STAC: variants seen among roughly 807,000 people sequenced by gnomAD.
STAC encodes the protein SH3 and cysteine-rich domain-containing protein.
Under a neutral mutation model 48.8 loss-of-function variants are expected in STAC, and 43 were observed. That is an observed-to-expected ratio of 0.88 (90% CI 0.69 to 1.14). The LOEUF (loss-of-function observed/expected upper bound fraction) is 1.14, where lower values mean the gene tolerates loss of function less well. STAC is among the 50% of genes most tolerant of loss of function. The pLI is 0.00. For missense variants in STAC, 497 were observed against 504.0 expected (o/e 0.99, Z 0.13); for synonymous variants, 193 against 179.5 (o/e 1.07, Z -0.60).
chr3:36,391,201 T>C (rs955496212), intron 1 of STAC, among the ~76,000 whole-genome samples: 1 of 152,314 alleles, frequency 6.6e-6, no homozygotes. Context: ...GATCCCTTGC[T>C]CCCTCTTTCA....
intron 8 of STAC, 51 bp from the exon 9 acceptor site, chr3:36,528,645 G>A: frequency 7.0e-7 from 1 of 1,435,430 alleles, no homozygotes; most frequent in Non-Finnish European, 9.5e-7. Flanking sequence ...TTTAAAGTAT[G>A]TTATTTTTCT....
chr3:36,383,707 A>C (rs1012500356), intron 1 of STAC, among the ~76,000 whole-genome samples: 1 of 152,234 alleles, frequency 6.6e-6, no homozygotes, highest in Non-Finnish European at 1.5e-5. Flanking sequence ...CCAGCATTCA[A>C]AGTTGTCCAT....
intron 2 of STAC, among the ~76,000 whole-genome samples, chr3:36,478,994 G>A (rs1158053835): frequency 6.6e-6 from 1 of 152,142 alleles, no homozygotes; most frequent in Non-Finnish European, 1.5e-5. Context: ...ACGCTCCAGT[G>A]TACAGGTACT....
At chr3:36,476,808 T>G (rs913746453) in intron 2 of STAC, among the ~76,000 whole-genome samples, 1 of 152,190 alleles carries the variant, frequency 6.6e-6, no homozygotes. Context: ...TATCCATTGC[T>G]TTTGCTCTCC....
intron 2 of STAC, among the ~76,000 whole-genome samples, chr3:36,445,594 T>C (rs904368439): frequency 1.3e-5 from 2 of 152,186 alleles, no homozygotes; most frequent in African/African-American, 4.8e-5. Flanking sequence ...AATTATCTGA[T>C]AATGGAGCAC....
intron 10 of STAC, among the ~76,000 whole-genome samples, chr3:36,539,148 G>A (rs146222729): frequency 2.2e-4 from 33 of 151,986 alleles, no homozygotes; most frequent in East Asian, 1.2e-3. Flanking sequence ...TTTATTTCCC[G>A]GTAGACTTTT....
Position 36,528,870 on chromosome 3 carries a change from GCTT to G in STAC, c.999_1001del (p.Phe334del), listed in dbSNP as rs1398573589. The G allele has an allele frequency of 1.2e-6, 2 of 1,613,380 alleles. No homozygotes were observed. The highest frequency in any genetic ancestry group is 2.2e-5 in the South Asian group (2 of 91,012). On this transcript the variant is annotated inframe_deletion, in exon 10 of 11. Transcript: ENST00000273183. Reference sequence around the variant, plus strand: ...CAGGGGAAAATTCAAGACAGAATTGGCTTCTTTCCAGCCAACTTTGTTCAGAGA... The same window carrying G: ...CAGGGGAAAATTCAAGACAGAATTGGCTTTCCAGCCAACTTTGTTCAGAGA...
chr3:36,395,036 T>G (rs982069040), intron 1 of STAC, among the ~76,000 whole-genome samples: 13 of 151,630 alleles, frequency 8.6e-5, no homozygotes, highest in African/African-American at 2.4e-4. Context: ...GATATATATA[T>G]ATATATATCA....
intron 2 of STAC, among the ~76,000 whole-genome samples, chr3:36,450,950 C>A (rs1415642052): frequency 1.3e-5 from 2 of 151,996 alleles, no homozygotes; most frequent in Non-Finnish European, 2.9e-5. Context: ...CCTTTTTTGT[C>A]ATGTTCTGTA....
chr3:36,411,479 T>C (rs1700193722), intron 1 of STAC, among the ~76,000 whole-genome samples: 1 of 152,144 alleles, frequency 6.6e-6, no homozygotes, highest in Admixed American at 6.5e-5. Context: ...CAGAATATAT[T>C]TGCATCTCAG....
At chr3:36,544,147 A>G (rs2125506607) in intron 10 of STAC, among the ~76,000 whole-genome samples, 1 of 152,248 alleles carries the variant, frequency 6.6e-6, no homozygotes, top group South Asian at 2.1e-4. Context: ...CTCCCTGCTC[A>G]TCACTGGAGC....
chr3:36,441,134 TATA>T (rs2125663536), intron 1 of STAC, among the ~76,000 whole-genome samples: 1 of 152,316 alleles, frequency 6.6e-6, no homozygotes, highest in Admixed American at 6.5e-5. Context: ...TTTGAAACTA[TATA>T]ATGTATTGTT....
intron 1 of STAC, among the ~76,000 whole-genome samples, chr3:36,384,473 T>A (rs376293239): frequency 7.2e-5 from 11 of 152,304 alleles, no homozygotes; most frequent in South Asian, 4.1e-4. Context: ...ATGTTTGTTA[T>A]AAGCATACAC....
At chr3:36,516,150 A>G (rs1698668770) in intron 8 of STAC, among the ~76,000 whole-genome samples, 2 of 151,212 alleles carry the variant, frequency 1.3e-5, no homozygotes, top group Non-Finnish European at 2.9e-5. Context: ...CGCCCCACTA[A>G]TTTTTGCATT....
chr3:36,380,694 G>T lies in STAC; in HGVS notation c.51G>T (p.Lys17Asn). The part of the protein sequence containing the change: ...PREDGVDGLP[K>N]EAVGAEQPPS... Reference sequence around the variant, plus strand: ...AGGACGGCGTGGACGGGCTGCCCAAGGAGGCGGTGGGCGCCGAGCAACCGC... The same window carrying T: ...AGGACGGCGTGGACGGGCTGCCCAATGAGGCGGTGGGCGCCGAGCAACCGC... Residue 17 changes from lysine (K) to asparagine (N), a missense_variant, in exon 1 of 11, where the codon AAG (lysine) becomes AAT (asparagine). Physicochemically the swap from Lys to Asn is moderately conservative, Grantham distance 94. Transcript: ENST00000273183. 1.2e-6 allele frequency: 2 copies of T among 1,611,258 alleles called. No individual in the cohort carries two copies. The highest frequency in any genetic ancestry group is 1.7e-6 in the Non-Finnish European group (2 of 1,179,114).
At chr3:36,473,986 C>T (rs941588895) in intron 2 of STAC, among the ~76,000 whole-genome samples, 3 of 152,160 alleles carry the variant, frequency 2.0e-5, no homozygotes, top group South Asian at 2.1e-4. Context: ...GCATCTGCAC[C>T]TTTAACTTCT....
At chr3:36,469,975 G>A (rs539103780) in intron 2 of STAC, among the ~76,000 whole-genome samples, 51 of 152,128 alleles carry the variant, frequency 3.4e-4, no homozygotes, top group African/African-American at 1.2e-3. Context: ...TTCATATCCT[G>A]TATCATGTTT....
At chr3:36,482,717 T>C (rs570196141) in intron 2 of STAC, among the ~76,000 whole-genome samples, 1 of 152,314 alleles carries the variant, frequency 6.6e-6, no homozygotes, top group South Asian at 2.1e-4. Context: ...TGGAATTCAC[T>C]AGCTTGAATT....
chr3:36,535,347 G>A (rs1347121411), intron 10 of STAC, among the ~76,000 whole-genome samples: 1 of 152,186 alleles, frequency 6.6e-6, no homozygotes, highest in African/African-American at 2.4e-5. Flanking sequence ...TGCCAAAGCT[G>A]TGAATCAGCT....
Sources: allele counts gnomAD v4.1 joint callset (sites outside exome capture counted in the v4.1 genomes callset), GRCh38; gene constraint gnomAD v4.1.1; transcripts MANE v1.5; gene names NCBI Gene and HGNC (gene_info 2026-07-23, HGNC 2026-07-21).